The following PIAS1 variants were observed in gnomAD, a reference collection of about 807,000 sequenced individuals.
PIAS1 encodes E3 SUMO-protein ligase PIAS1.
In PIAS1, 6 loss-of-function variants were observed where a neutral mutation model predicts 71.3. The ratio of observed to expected loss-of-function variants is 0.08; its 90% CI spans 0.05 to 0.17. The LOEUF (loss-of-function observed/expected upper bound fraction) is 0.17. PIAS1 is among the 10% of genes least tolerant of loss of function. The pLI, the probability that PIAS1 is intolerant of heterozygous loss-of-function variation, is 1.00. For synonymous variants in PIAS1, 303 were observed against 292.9 expected, an observed-to-expected ratio of 1.03 and a Z score of -0.35; for missense variants, 555 against 793.6, an observed-to-expected ratio of 0.70 and a Z score of 3.61.
At chr15:68,164,913 C>T (rs1212843875) in intron 8 of PIAS1, 109 bp downstream of exon 8, 2 of 621,422 alleles carry the variant, frequency 3.2e-6, no homozygotes, top group African/African-American at 1.8e-5. Flanking sequence ...AATATGTCCA[C>T]CATTGTTACA....
intron 2 of PIAS1, among the ~76,000 whole-genome samples, chr15:68,127,076 G>C (rs8034743): frequency 6.6e-6 from 1 of 152,038 alleles, no homozygotes; most frequent in South Asian, 2.1e-4. Context: ...GACTACAGGC[G>C]CACCATGCTG....
Position 68,178,120 on chromosome 15 carries a change from A to G in PIAS1, c.1481+1466A>G, listed in dbSNP as rs1262622616. Among the ~76,000 whole-genome samples the G allele has an allele frequency of 6.6e-6, 1 of 152,214 alleles. No individual in the cohort carries two copies. The highest frequency in any genetic ancestry group is 2.4e-5 in the African/African-American group (1 of 41,454). ...GGTAAAACCCTGTCTCTACCAAAAAATTAGCTGGGTATGGCACTGTGTGCC... is the reference window on the plus strand; with the variant it reads ...GGTAAAACCCTGTCTCTACCAAAAAGTTAGCTGGGTATGGCACTGTGTGCC... On this transcript the variant is annotated intron_variant, in intron 11 of 13. Coordinates refer to ENST00000249636, the MANE Select transcript of PIAS1 (RefSeq NM_016166.3). The surrounding 1 kb of genome is among the most constrained non-coding windows in gnomAD (Gnocchi z 4.2).
chr15:68,089,809 G>A (rs528873090), intron 2 of PIAS1, among the ~76,000 whole-genome samples: 1 of 152,208 alleles, frequency 6.6e-6, no homozygotes, highest in South Asian at 2.1e-4. Context: ...GCCCACCTCG[G>A]CCTCCCAAAG....
chr15:68,139,992 A>C (rs1008208937), intron 2 of PIAS1, among the ~76,000 whole-genome samples: 2 of 152,136 alleles, frequency 1.3e-5, no homozygotes, highest in South Asian at 4.1e-4. Context: ...CCAAAACTAT[A>C]GACTTCACTG....
intron 2 of PIAS1, among the ~76,000 whole-genome samples, chr15:68,110,681 G>T (rs1055563221): frequency 2.6e-5 from 4 of 152,018 alleles, no homozygotes; most frequent in African/African-American, 9.7e-5. Context: ...AGGATCACTT[G>T]AGCCTGGGGA....
intron 1 of PIAS1, among the ~76,000 whole-genome samples, chr15:68,082,277 G>T (rs1003723010): frequency 2.6e-5 from 4 of 152,116 alleles, no homozygotes; most frequent in African/African-American, 9.7e-5. Flanking sequence ...GTGGCATAAG[G>T]AAACGGGATC....
chr15:68,124,646 G>A (rs2092637386), intron 2 of PIAS1, among the ~76,000 whole-genome samples: 2 of 152,070 alleles, frequency 1.3e-5, no homozygotes, highest in African/African-American at 4.8e-5. Flanking sequence ...TCTTGAACCG[G>A]GAGGCAGATG....
At chr15:68,076,008 C>G (rs2092159610) in intron 1 of PIAS1, among the ~76,000 whole-genome samples, 1 of 152,090 alleles carries the variant, frequency 6.6e-6, no homozygotes. Flanking sequence ...GTCTTGAACT[C>G]CTGACCTCAG....
At chr15:68,063,120 A>C (rs1025058085) in intron 1 of PIAS1, among the ~76,000 whole-genome samples, 3 of 152,192 alleles carry the variant, frequency 2.0e-5, no homozygotes, top group African/African-American at 7.2e-5. Flanking sequence ...CATCACAGGT[A>C]AGGGTTGTAT....
At chr15:68,062,344 G>T (rs2091968951) in intron 1 of PIAS1, among the ~76,000 whole-genome samples, 1 of 152,054 alleles carries the variant, frequency 6.6e-6, no homozygotes. Flanking sequence ...GGTGGGCAGG[G>T]GGAGGTGACA....
At position 68,176,491 on chromosome 15, in the gene PIAS1, T is replaced by C. The variant is rs2093020882; in HGVS notation, c.1318T>C (p.Leu440=). 6.2e-7 allele frequency: 1 copy of C among 1,603,332 alleles called. No homozygotes were observed. Among genetic ancestry groups the C allele is most frequent in the African/African-American group, 1.3e-5 (1 of 74,476 alleles). The change falls in exon 11 of 14, where the codon TTG becomes CTG. Residue 440 remains leucine (L), a synonymous_variant. Coordinates refer to ENST00000249636, the MANE Select transcript of PIAS1 (RefSeq NM_016166.3). ...CCATATAGGATGCTTGAGCTCCACA[T>C]TGGAGCATCAGGTAGCGTCTCACCA... is the stretch of plus-strand genomic sequence containing the variant. The part of the protein sequence containing the change: ...NGVDGCLSST[L]EHQVASHHQS...
intron 10 of PIAS1, 33 bp downstream of exon 10, chr15:68,175,800 C>G (rs769400745): frequency 3.9e-6 from 6 of 1,530,220 alleles, no homozygotes; most frequent in Non-Finnish European, 4.4e-6. Context: ...GAGGCAGTCT[C>G]CCTACTGCTC....
chr15:68,170,548 T>C (rs1293574772), intron 8 of PIAS1, among the ~76,000 whole-genome samples: 1 of 152,188 alleles, frequency 6.6e-6, no homozygotes, highest in African/African-American at 2.4e-5. Context: ...GTCTAGGACA[T>C]CACTTTACAT....
chr15:68,065,740 T>A (rs981665309), intron 1 of PIAS1, among the ~76,000 whole-genome samples: 4 of 137,008 alleles, frequency 2.9e-5, no homozygotes, highest in African/African-American at 8.4e-5. Context: ...GAAGTACTTT[T>A]TTTTTTTTTT....
At position 68,086,777 on chromosome 15, in the gene PIAS1, G is replaced by T; in HGVS notation, c.469+27G>T. The T allele has an allele frequency of 6.8e-7, 1 of 1,462,392 alleles. No homozygotes were observed. The highest frequency in any genetic ancestry group is 1.2e-5 in the South Asian group (1 of 83,076). The allele number at this position is 1,462,392 out of a possible 1,614,324, so 90.6% of individuals were successfully genotyped here. A position where few individuals can be genotyped will look rare whatever the true frequency, so the allele number is the denominator to read the frequency against. ...TAAGATTATTGTATGATAGTATTTG[G>T]TTACTTTTGCAGGATGAATTTTCGT... On this transcript the variant is annotated intron_variant, in intron 2 of 13. Coordinates refer to ENST00000249636, the MANE Select transcript of PIAS1 (RefSeq NM_016166.3). This position sits in a 1 kb window ranked among gnomAD's most constrained non-coding sequence, Gnocchi z 7.2.
chr15:68,156,725 A>G (rs1001162664), intron 7 of PIAS1, among the ~76,000 whole-genome samples: 26 of 150,496 alleles, frequency 1.7e-4, no homozygotes, highest in Non-Finnish European at 2.1e-4. Flanking sequence ...AAAAAAAAAA[A>G]AAAGAGAGAG....
At chr15:68,098,481 G>C (rs2092396697) in intron 2 of PIAS1, among the ~76,000 whole-genome samples, 1 of 152,122 alleles carries the variant, frequency 6.6e-6, no homozygotes, top group Admixed American at 6.5e-5. Context: ...GTGTATAAAT[G>C]GACCCACACA....
chr15:68,086,749 A>G lies in PIAS1; in HGVS notation c.468A>G (p.Leu156=), dbSNP rs1269561086. 31 of 1,592,108 alleles carry G rather than the reference A, an allele frequency of 1.9e-5. No individual in the cohort carries two copies. The Admixed American group carries it at 5.2e-4, about 27-fold the overall frequency. Residue 156 remains leucine (L), a splice_region_variant and synonymous_variant, in exon 2 of 14, where the codon CTA becomes CTG. Coordinates refer to ENST00000249636, the MANE Select transcript of PIAS1 (RefSeq NM_016166.3). The surrounding 1 kb of genome is among the most constrained non-coding windows in gnomAD (Gnocchi z 7.2). ...LLDELIKPTS[L]ASDNSQRFRE... ...ATGAACTGATAAAACCCACCAGTCTAGGTAAGATTATTGTATGATAGTATT... is the reference window on the plus strand; with the variant it reads ...ATGAACTGATAAAACCCACCAGTCTGGGTAAGATTATTGTATGATAGTATT...
Position 68,176,868 on chromosome 15 carries a change from A to G in PIAS1, c.1481+214A>G, listed in dbSNP as rs200260445. 1.8e-3 allele frequency among the ~76,000 whole-genome samples: 281 copies of G among 152,310 alleles called. 2 individuals carry two copies. The highest frequency in any genetic ancestry group is 6.6e-3 in the African/African-American group (274 of 41,564). On this transcript the variant is annotated intron_variant, in intron 11 of 13. Coordinates refer to ENST00000249636, the MANE Select transcript of PIAS1 (RefSeq NM_016166.3). ...GATATAGTATTCTTCATATCAAAAG[A>G]TCATTCTAGTACCGTGGTTCTCAAA...
Sources: gnomAD v4.1 joint callset for allele counts (sites outside exome capture counted in the v4.1 genomes callset) on GRCh38, gnomAD v4.1.1 for gene constraint, Gnocchi (gnomAD v3.1) non-coding constraint, MANE v1.5 for transcripts, NCBI Gene and HGNC (gene_info 2026-07-23, HGNC 2026-07-21) for gene names.